The following TENM4 variants were observed in gnomAD, a reference collection of about 807,000 sequenced individuals.
The protein encoded by TENM4 is teneurin-4.
TENM4 carries 82 observed loss-of-function variants against 243.3 expected under a neutral mutation model. The ratio of observed to expected loss-of-function variants is 0.34; its 90% CI spans 0.28 to 0.40. TENM4 has a LOEUF of 0.40. Among genes scored for constraint, TENM4 ranks in the 10% least tolerant of loss-of-function variants. The probability of loss-of-function intolerance (pLI) is 1.00; values close to 1 mark genes in which losing one functional copy is unlikely to be tolerated. For synonymous variants in TENM4, 1,412 were observed against 1,456.3 expected (o/e 0.97, Z 0.69); for missense variants, 3,138 against 3,673.3 (o/e 0.85, Z 3.77).
intron 23 of TENM4, among the ~76,000 whole-genome samples, chr11:78,725,457 G>C (rs769499642): frequency 5.3e-5 from 8 of 152,162 alleles, no homozygotes; most frequent in Non-Finnish European, 4.4e-5. Flanking sequence ...GTTAGTCCCT[G>C]CAGAGGCTTG....
chr11:79,034,378 G>C (rs1859322008), intron 6 of TENM4, among the ~76,000 whole-genome samples: 1 of 152,094 alleles, frequency 6.6e-6, no homozygotes. Context: ...TCCTTAACTA[G>C]TGTAACCACA....
chr11:78,849,588 G>T (rs1858484002), intron 12 of TENM4, among the ~76,000 whole-genome samples: 1 of 152,132 alleles, frequency 6.6e-6, no homozygotes, highest in South Asian at 2.1e-4. Flanking sequence ...AATATTTGCT[G>T]AATGAATGAA....
intron 16 of TENM4, among the ~76,000 whole-genome samples, chr11:78,785,011 A>G (rs538904228): frequency 4.5e-4 from 69 of 151,736 alleles, no homozygotes; most frequent in African/African-American, 1.6e-3. Flanking sequence ...GACAGCAAAC[A>G]GAATGGGCCC....
intron 1 of TENM4, among the ~76,000 whole-genome samples, chr11:79,340,510 C>T (rs985814868): frequency 6.6e-6 from 1 of 152,178 alleles, no homozygotes; most frequent in Admixed American, 6.5e-5. Context: ...AGATTTCCTG[C>T]ACGGGACATC....
chr11:78,980,752 C>A (rs1591180716), intron 6 of TENM4, among the ~76,000 whole-genome samples: 2 of 152,244 alleles, frequency 1.3e-5, no homozygotes, highest in East Asian at 3.9e-4. Flanking sequence ...ATAATAGTAC[C>A]TACCTCACAG....
rs146602917 is a variant in TENM4, at chr11:78,782,191, G to C, written c.2366-3563C>G. ...AGCAAACAAAGGGCCAGGTGTGGTG[G>C]CTCGTGCCTGTAGTCCCAGCACTTT... On this transcript the variant is annotated intron_variant, in intron 16 of 33. Coordinates refer to ENST00000278550, the MANE Select transcript of TENM4 (RefSeq NM_001098816.3). 9.7e-3 allele frequency among the ~76,000 whole-genome samples: 1,473 copies of C among 152,338 alleles called. 28 individuals carry two copies. Among genetic ancestry groups the C allele is most frequent in the African/African-American group, 0.034 (1,403 of 41,560 alleles).
At chr11:78,859,711 T>C (rs1161186086) in intron 10 of TENM4, among the ~76,000 whole-genome samples, 1 of 152,258 alleles carries the variant, frequency 6.6e-6, no homozygotes, top group Non-Finnish European at 1.5e-5. Context: ...TTAGTTTCCT[T>C]AGCAACTGGT....
intron 6 of TENM4, among the ~76,000 whole-genome samples, chr11:78,974,873 C>T (rs1010994706): frequency 5.9e-5 from 9 of 151,660 alleles, no homozygotes; most frequent in Non-Finnish European, 8.8e-5. Context: ...TTAGTAGAGA[C>T]TGGGTTTTGC....
Position 79,397,800 on chromosome 11 carries a change from T to A in TENM4, c.-321+42709A>T, listed in dbSNP as rs1158384312. On this transcript the variant is annotated intron_variant, in intron 1 of 33. Transcript: ENST00000278550. ...CAAAACTTAGGGCAGTTTGTATGATTTTTCCCCCTCCTTTCTTCTGGGGCT... is the reference window on the plus strand; with the variant it reads ...CAAAACTTAGGGCAGTTTGTATGATATTTCCCCCTCCTTTCTTCTGGGGCT... Among the ~76,000 whole-genome samples the A allele has an allele frequency of 3.3e-5, 5 of 152,092 alleles. 1 individual carries two copies. The highest frequency in any genetic ancestry group is 7.4e-5 in the Non-Finnish European group (5 of 68,020).
chr11:78,797,882 C>T (rs1857193441), intron 15 of TENM4, among the ~76,000 whole-genome samples: 1 of 152,214 alleles, frequency 6.6e-6, no homozygotes, highest in Non-Finnish European at 1.5e-5. Context: ...GTTTCCCCTC[C>T]TATAACATGC....
In TENM4 at chr11:79,404,671, A is replaced by C. The variant is rs139527605; in HGVS notation, c.-321+35838T>G. On this transcript the variant is annotated intron_variant, in intron 1 of 33. Transcript: ENST00000278550. ...AATAAAAAGAATGTTGCGTGTGCTG[A>C]GCAAGGAGTCTGACAGATAAAAGAT... Among the ~76,000 whole-genome samples the C allele has an allele frequency of 1.2e-3, 189 of 152,352 alleles. 1 individual carries two copies. The highest frequency in any genetic ancestry group is 4.2e-3 in the African/African-American group (175 of 41,578).
intron 1 of TENM4, among the ~76,000 whole-genome samples, chr11:79,388,477 A>T (rs1202525838): frequency 6.6e-6 from 1 of 152,182 alleles, no homozygotes; most frequent in Non-Finnish European, 1.5e-5. Flanking sequence ...CAGAAAATAA[A>T]CTGGTGATTA....
intron 6 of TENM4, among the ~76,000 whole-genome samples, chr11:78,969,228 C>T (rs1028269414): frequency 3.9e-5 from 6 of 152,194 alleles, no homozygotes; most frequent in African/African-American, 1.4e-4. Context: ...CTGCCAATTA[C>T]ACTTTTATCA....
At chr11:79,224,688 C>T (rs571361452) in intron 2 of TENM4, among the ~76,000 whole-genome samples, 4 of 152,266 alleles carry the variant, frequency 2.6e-5, no homozygotes, top group East Asian at 1.9e-4. Flanking sequence ...GGATGGCTCA[C>T]GCCTGTAATC....
chr11:78,837,144 T>C (rs887855206), intron 12 of TENM4, among the ~76,000 whole-genome samples: 1 of 152,224 alleles, frequency 6.6e-6, no homozygotes, highest in Non-Finnish European at 1.5e-5. Context: ...TCTTGAATTG[T>C]AGCTTCCATA....
intron 6 of TENM4, among the ~76,000 whole-genome samples, chr11:79,038,394 A>T (rs77607293): frequency 0.021 from 3,228 of 152,298 alleles, 121 homozygotes; most frequent in African/African-American, 0.073. Flanking sequence ...TGGAATTTCA[A>T]TGCCATCTTT....
intron 1 of TENM4, among the ~76,000 whole-genome samples, chr11:79,381,977 A>T (rs1393544408): frequency 1.3e-5 from 2 of 152,184 alleles, no homozygotes; most frequent in African/African-American, 4.8e-5. Flanking sequence ...GCTTTGGTTC[A>T]TTCCAAGGTG....
chr11:79,359,666 G>C (rs1857558252), intron 1 of TENM4, among the ~76,000 whole-genome samples: 1 of 152,116 alleles, frequency 6.6e-6, no homozygotes, highest in Non-Finnish European at 1.5e-5. Context: ...GGGAGGGTGA[G>C]AATAGGGGCA....
chr11:79,413,277 T>C (rs1858740282), intron 1 of TENM4, among the ~76,000 whole-genome samples: 1 of 152,224 alleles, frequency 6.6e-6, no homozygotes, highest in African/African-American at 2.4e-5. Context: ...CCAAGGTGTC[T>C]ACAGGCTCAC....
Sources: allele counts gnomAD v4.1 joint callset (sites outside exome capture counted in the v4.1 genomes callset), GRCh38; gene constraint gnomAD v4.1.1; transcripts MANE v1.5; gene names NCBI Gene and HGNC (gene_info 2026-07-23, HGNC 2026-07-21).